Variants in ANKS1B observed in about 807,000 individuals in gnomAD.
The protein encoded by ANKS1B is ankyrin repeat and sterile alpha motif domain-containing protein 1B.
A neutral mutation model predicts 148.3 loss-of-function variants in ANKS1B; 36 were observed. The observed-to-expected ratio is 0.24, with a 90% confidence interval of 0.19 to 0.32. ANKS1B has a LOEUF of 0.32. Ranked by LOEUF, ANKS1B falls within the 10% of genes least tolerant of loss-of-function variation. The probability of loss-of-function intolerance (pLI) is 1.00; values close to 1 mark genes in which losing one functional copy is unlikely to be tolerated. For synonymous variants in ANKS1B, 542 were observed against 560.8 expected (o/e 0.97, Z 0.47); for missense variants, 1,157 against 1,542.6 (o/e 0.75, Z 4.19).
At chr12:99,717,083 A>C (rs550510207) in intron 8 of ANKS1B, among the ~76,000 whole-genome samples, 1 of 152,186 alleles carries the variant, frequency 6.6e-6, no homozygotes, top group African/African-American at 2.4e-5. Flanking sequence ...TTTTTCATCA[A>C]ATATAAAAAC....
At chr12:99,428,985 A>C (rs2095314411) in intron 11 of ANKS1B, among the ~76,000 whole-genome samples, 1 of 152,160 alleles carries the variant, frequency 6.6e-6, no homozygotes, top group Non-Finnish European at 1.5e-5. Flanking sequence ...CAAAACCAAT[A>C]ATAATAATAA....
intron 1 of ANKS1B, among the ~76,000 whole-genome samples, chr12:99,883,955 T>A (rs1274506236): frequency 6.6e-6 from 1 of 151,908 alleles, no homozygotes; most frequent in Non-Finnish European, 1.5e-5. Context: ...AAGATTTGTA[T>A]CTGACTATAT....
At chr12:99,340,160 A>C (rs918060074) in intron 12 of ANKS1B, among the ~76,000 whole-genome samples, 12 of 152,144 alleles carry the variant, frequency 7.9e-5, no homozygotes, top group Admixed American at 1.3e-4. Context: ...AAAAAGGTTC[A>C]TTAGCCTGCT....
intron 8 of ANKS1B, among the ~76,000 whole-genome samples, chr12:99,680,954 G>A (rs960533622): frequency 3.3e-5 from 5 of 150,660 alleles, no homozygotes; most frequent in African/African-American, 1.2e-4. Context: ...CCATTGGCCT[G>A]AGAACCACAA....
intron 9 of ANKS1B, among the ~76,000 whole-genome samples, chr12:99,569,193 C>T (rs1214424718): frequency 6.6e-6 from 1 of 152,128 alleles, no homozygotes; most frequent in Non-Finnish European, 1.5e-5. Context: ...ATATTGTTAA[C>T]CTGACTGGAA....
chr12:99,699,694 C>A (rs1397715273), intron 8 of ANKS1B, among the ~76,000 whole-genome samples: 1 of 152,144 alleles, frequency 6.6e-6, no homozygotes, highest in Non-Finnish European at 1.5e-5. Context: ...TTTTATACTT[C>A]AGGATAGAGT....
rs537472916 is a variant in ANKS1B at position 98,785,985 on chromosome 12, T to C, written c.3343-3848A>G. Among the ~76,000 whole-genome samples, 210 of 152,278 alleles carry C rather than the reference T, an allele frequency of 1.4e-3. 1 individual carries two copies. Among genetic ancestry groups the C allele is most frequent in the African/African-American group, 4.8e-3 (199 of 41,554 alleles). ...TGCTCTTTGTGGCATTTTTCAGGTT[T>C]CCCAATGTTCTCAAATTTACCCCCC... On this transcript the variant is annotated intron_variant, in intron 22 of 26. Transcript: ENST00000683438.
chr12:98,955,672 C>G (rs2099861001), intron 17 of ANKS1B, among the ~76,000 whole-genome samples: 1 of 152,114 alleles, frequency 6.6e-6, no homozygotes, highest in Non-Finnish European at 1.5e-5. Flanking sequence ...ATATGAGAGA[C>G]AGAGAGGCAT....
At chr12:99,902,410 G>A (rs762840532) in intron 1 of ANKS1B, among the ~76,000 whole-genome samples, 4 of 152,206 alleles carry the variant, frequency 2.6e-5, no homozygotes, top group Non-Finnish European at 5.9e-5. Context: ...AGACTGTGCT[G>A]AGCCTTGCAG....
At chr12:99,417,633 G>A (rs1176708074) in intron 11 of ANKS1B, among the ~76,000 whole-genome samples, 2 of 151,922 alleles carry the variant, frequency 1.3e-5, no homozygotes, top group Non-Finnish European at 2.9e-5. Context: ...ATATCAATTT[G>A]GAACAATTTA....
At chr12:99,777,959 G>C (rs1374394234) in intron 6 of ANKS1B, among the ~76,000 whole-genome samples, 39 of 151,762 alleles carry the variant, frequency 2.6e-4, no homozygotes, top group Admixed American at 2.6e-3. Context: ...AGCATTTTGG[G>C]AGGCCAAGGC....
At position 99,748,204 on chromosome 12, in the gene ANKS1B, G is replaced by A. The variant is rs145682843; in HGVS notation, c.1128+24718C>T. 8.3e-4 allele frequency among the ~76,000 whole-genome samples: 126 copies of A among 152,128 alleles called. 2 individuals carry two copies. Among genetic ancestry groups the A allele is most frequent in the Middle Eastern group, 3.4e-3 (1 of 294 alleles). On this transcript the variant is annotated intron_variant, in intron 8 of 26. Coordinates refer to ENST00000683438, the MANE Select transcript of ANKS1B (RefSeq NM_001352186.2). ...ATTGCAACCCTGACCCTTCCCAGAA[G>A]TCTATTAATATCTACCATGAACACC...
At chr12:99,507,491 T>C (rs980535144) in intron 9 of ANKS1B, among the ~76,000 whole-genome samples, 24 of 151,826 alleles carry the variant, frequency 1.6e-4, no homozygotes, top group Non-Finnish European at 2.7e-4. Flanking sequence ...TAACTGAGGG[T>C]AATATTTTGG....
At chr12:98,872,418 A>G (rs61933629) in intron 17 of ANKS1B, among the ~76,000 whole-genome samples, 1 of 152,100 alleles carries the variant, frequency 6.6e-6, no homozygotes, top group African/African-American at 2.4e-5. Context: ...GTGTGCCTGT[A>G]ATCTCAGCTA....
chr12:99,202,295 C>T (rs910039557), intron 14 of ANKS1B, among the ~76,000 whole-genome samples: 9 of 152,150 alleles, frequency 5.9e-5, no homozygotes, highest in African/African-American at 9.7e-5. Flanking sequence ...GATGGTTGCC[C>T]GCAGCCCCCT....
chr12:99,422,980 G>A (rs1441174302), intron 11 of ANKS1B, among the ~76,000 whole-genome samples: 3 of 152,122 alleles, frequency 2.0e-5, no homozygotes, highest in Admixed American at 2.0e-4. Context: ...GGTTCAGAAA[G>A]GTTTTAAACA....
intron 9 of ANKS1B, among the ~76,000 whole-genome samples, chr12:99,603,506 T>C (rs1230625657): frequency 2.0e-5 from 3 of 152,080 alleles, no homozygotes; most frequent in Non-Finnish European, 4.4e-5. Context: ...CTCGATGTTG[T>C]CTGAAAATAT....
chr12:99,468,630 G>C (rs890592277), intron 10 of ANKS1B, among the ~76,000 whole-genome samples: 23 of 152,074 alleles, frequency 1.5e-4, no homozygotes, highest in African/African-American at 5.6e-4. Flanking sequence ...GTGGGCAAAG[G>C]ATATGAACAG....
chr12:99,496,885 C>T (rs962010040), intron 10 of ANKS1B, among the ~76,000 whole-genome samples: 15 of 152,186 alleles, frequency 9.9e-5, no homozygotes, highest in African/African-American at 3.6e-4. Context: ...CCCTCAGCTG[C>T]TCAGCCCCTG....
Sources: allele counts gnomAD v4.1 joint callset (sites outside exome capture counted in the v4.1 genomes callset), GRCh38; gene constraint gnomAD v4.1.1; transcripts MANE v1.5; gene names NCBI Gene and HGNC (gene_info 2026-07-23, HGNC 2026-07-21).